The following PRKAR2A variants were observed in gnomAD, a reference collection of about 807,000 sequenced individuals.
PRKAR2A encodes protein kinase cAMP-dependent type II regulatory subunit alpha.
Under a neutral mutation model 51.9 loss-of-function variants are expected in PRKAR2A, and 29 were observed. That is an observed-to-expected ratio of 0.56 (90% CI 0.42 to 0.76). The LOEUF (loss-of-function observed/expected upper bound fraction) is 0.76. Ranked by LOEUF, PRKAR2A falls within the 30% of genes least tolerant of loss-of-function variation. PRKAR2A has a pLI of 0.00. For missense variants in PRKAR2A, 445 were observed against 512.1 expected (o/e 0.87, Z 1.26); for synonymous variants, 178 against 186.2 (o/e 0.96, Z 0.36).
chr3:48,802,163 C>T (rs2082600745), intron 2 of PRKAR2A, among the ~76,000 whole-genome samples: 2 of 152,166 alleles, frequency 1.3e-5, no homozygotes, highest in African/African-American at 4.8e-5. Context: ...CTGTCTCGGC[C>T]TCCCAAAGTG....
intron 6 of PRKAR2A, among the ~76,000 whole-genome samples, chr3:48,768,302 T>C (rs370126226): frequency 1.4e-5 from 2 of 144,070 alleles, no homozygotes; most frequent in East Asian, 2.1e-4. Flanking sequence ...AAAAGATAGA[T>C]AGATAGATAG....
In PRKAR2A at chr3:48,794,036, G is replaced by A. The variant is rs2082446195; in HGVS notation, c.312C>T (p.Thr104=). The A allele has an allele frequency of 5.6e-6, 9 of 1,605,130 alleles. No homozygotes were observed. Among genetic ancestry groups the A allele is most frequent in the South Asian group, 1.1e-5 (1 of 90,748 alleles). Residue 104 remains threonine (T), a synonymous_variant, in exon 3 of 11, where the codon ACC becomes ACT. Coordinates refer to ENST00000265563, the MANE Select transcript of PRKAR2A (RefSeq NM_004157.4). ...FNRRVSVCAE[T]YNPDEEEEDT... Reference sequence around the variant, plus strand: ...CTTCCTCTTCCTCATCAGGGTTATAGGTCTCAGCACAGACTAAAATTGGAG... The same window carrying A: ...CTTCCTCTTCCTCATCAGGGTTATAAGTCTCAGCACAGACTAAAATTGGAG...
At chr3:48,745,329 C>G (rs969337510), downstream of PRKAR2A, among the ~76,000 whole-genome samples, 2 of 152,044 alleles carry the variant, frequency 1.3e-5, no homozygotes, top group African/African-American at 2.4e-5. Context: ...GCCACCATAC[C>G]CAGCTCTGCT....
chr3:48,767,236 T>C (rs566662390), intron 6 of PRKAR2A, among the ~76,000 whole-genome samples: 1 of 152,260 alleles, frequency 6.6e-6, no homozygotes, highest in South Asian at 2.1e-4. Flanking sequence ...CCCAGAACTT[T>C]GGGAGGCCGA....
intron 1 of PRKAR2A, among the ~76,000 whole-genome samples, chr3:48,831,117 A>C (rs1325372013): frequency 6.6e-6 from 1 of 152,156 alleles, no homozygotes; most frequent in Non-Finnish European, 1.5e-5. Flanking sequence ...AATTATATGT[A>C]CTATACTTTT....
chr3:48,835,183 C>A (rs1225492293), intron 1 of PRKAR2A, among the ~76,000 whole-genome samples: 1 of 152,010 alleles, frequency 6.6e-6, no homozygotes, highest in African/African-American at 2.4e-5. Context: ...GTTGGCCAGA[C>A]TGGTCTCGAA....
chr3:48,753,198 G>A (rs2081690195), intron 9 of PRKAR2A, among the ~76,000 whole-genome samples: 1 of 151,214 alleles, frequency 6.6e-6, no homozygotes, highest in Non-Finnish European at 1.5e-5. Flanking sequence ...CTCTCAAAGT[G>A]CTGGGATTAT....
intron 1 of PRKAR2A, among the ~76,000 whole-genome samples, chr3:48,813,527 T>C (rs1342564786): frequency 1.3e-5 from 2 of 152,072 alleles, no homozygotes; most frequent in African/African-American, 4.8e-5. Context: ...ACCCTGTCTC[T>C]ACTAAAAATA....
chr3:48,816,930 C>A (rs2082883462), intron 1 of PRKAR2A, among the ~76,000 whole-genome samples: 1 of 151,778 alleles, frequency 6.6e-6, no homozygotes, highest in African/African-American at 2.4e-5. Flanking sequence ...GCCTGTAACC[C>A]CAGCACCTTA....
intron 10 of PRKAR2A, 24 bp downstream of exon 10, chr3:48,752,152 T>C (rs1054157762): frequency 6.3e-7 from 1 of 1,594,858 alleles, no homozygotes. Context: ...AAAAGAATAT[T>C]AATGCATAAA....
chr3:48,830,983 C>T (rs1478337670), intron 1 of PRKAR2A, among the ~76,000 whole-genome samples: 3 of 152,162 alleles, frequency 2.0e-5, no homozygotes, highest in Non-Finnish European at 4.4e-5. Flanking sequence ...TAGCTATAAA[C>T]ACAGATGAAG....
chr3:48,816,426 G>A (rs1051768120), intron 1 of PRKAR2A, among the ~76,000 whole-genome samples: 1 of 151,114 alleles, frequency 6.6e-6, no homozygotes, highest in Non-Finnish European at 1.5e-5. Context: ...GGATCACAAG[G>A]TCAAGAGATA....
intron 9 of PRKAR2A, among the ~76,000 whole-genome samples, chr3:48,753,781 A>G (rs996721439): frequency 1.6e-4 from 24 of 152,186 alleles, no homozygotes; most frequent in African/African-American, 5.8e-4. Flanking sequence ...TGCTGATCTT[A>G]TGCACCTAAC....
At chr3:48,782,931 T>C in intron 5 of PRKAR2A, 55 bp downstream of exon 5, 2 of 1,254,128 alleles carry the variant, frequency 1.6e-6, no homozygotes, top group Non-Finnish European at 1.2e-6. Context: ...GCATCTGCCC[T>C]GAGTCATGAA....
chr3:48,778,370 G>A (rs572026831), intron 5 of PRKAR2A, among the ~76,000 whole-genome samples: 1 of 152,164 alleles, frequency 6.6e-6, no homozygotes, highest in East Asian at 1.9e-4. Flanking sequence ...CCCCCAGGCT[G>A]GAGTGCAGTG....
intron 4 of PRKAR2A, among the ~76,000 whole-genome samples, chr3:48,784,065 T>A (rs534446082): frequency 1.3e-4 from 20 of 152,292 alleles, no homozygotes; most frequent in African/African-American, 4.1e-4. Flanking sequence ...TTACAAATAT[T>A]GCCTGCCATA....
chr3:48,835,059 C>T (rs1460153174), intron 1 of PRKAR2A, among the ~76,000 whole-genome samples: 2 of 151,466 alleles, frequency 1.3e-5, no homozygotes, highest in Non-Finnish European at 2.9e-5. Flanking sequence ...GCAATTTCCG[C>T]CTCCCGGGTT....
At chr3:48,799,059 C>T (rs1298235987) in intron 2 of PRKAR2A, among the ~76,000 whole-genome samples, 2 of 152,172 alleles carry the variant, frequency 1.3e-5, no homozygotes, top group African/African-American at 4.8e-5. Context: ...TAAATTACTT[C>T]CTTTATTTTC....
intron 1 of PRKAR2A, among the ~76,000 whole-genome samples, chr3:48,844,802 A>G (rs2083436107): frequency 1.4e-5 from 2 of 141,848 alleles, no homozygotes; most frequent in Admixed American, 1.5e-4. Flanking sequence ...ACACATGGAC[A>G]CAGGAAGGGG....
Sources: gnomAD v4.1 joint callset for allele counts (sites outside exome capture counted in the v4.1 genomes callset) on GRCh38, gnomAD v4.1.1 for gene constraint, MANE v1.5 for transcripts, NCBI Gene and HGNC (gene_info 2026-07-23, HGNC 2026-07-21) for gene names.